The following MDGA2 variants were observed in gnomAD, a reference collection of about 807,000 sequenced individuals.
The protein encoded by MDGA2 is MAM domain containing glycosylphosphatidylinositol anchor 2, also known as MAM domain-containing glycosylphosphatidylinositol anchor protein 2.
Under a neutral mutation model 117.8 loss-of-function variants are expected in MDGA2, and 40 were observed. The ratio of observed to expected loss-of-function variants is 0.34; its 90% CI spans 0.26 to 0.44. MDGA2 has a LOEUF of 0.44. MDGA2 is among the 20% of genes least tolerant of loss of function. The pLI, the probability that MDGA2 is intolerant of heterozygous loss-of-function variation, is 1.00. For missense variants in MDGA2, 1,123 were observed against 1,250.6 expected, an observed-to-expected ratio of 0.90 and a Z score of 1.54; for synonymous variants, 452 against 439.0, an observed-to-expected ratio of 1.03 and a Z score of -0.37.
chr14:47,540,520 ATGTGTG>A (rs147620834), intron 1 of MDGA2, among the ~76,000 whole-genome samples: 3 of 102,930 alleles, frequency 2.9e-5, no homozygotes, highest in African/African-American at 9.6e-5. Flanking sequence ...GTATATGTAT[ATGTGTG>A]TGTGTGTGTG....
In MDGA2 at chr14:47,292,477, A is replaced by G. The variant is rs544196953; in HGVS notation, c.420+8934T>C. 5.3e-5 allele frequency among the ~76,000 whole-genome samples: 8 copies of G among 152,228 alleles called. No individual in the cohort carries two copies. The East Asian group carries it at 1.6e-3, about 30-fold the overall frequency. ...GAACTCCATTTATCGCTTGTCTTTC[A>G]TAAGCCCCCATTAGCATTAGAAGTC... On this transcript the variant is annotated intron_variant, in intron 2 of 16. Transcript: ENST00000399232.
At chr14:47,541,411 T>C (rs1895350058) in intron 1 of MDGA2, among the ~76,000 whole-genome samples, 1 of 152,182 alleles carries the variant, frequency 6.6e-6, no homozygotes. Context: ...AATTTTCCCA[T>C]GCTTGGGGTA....
At chr14:47,452,688 G>C (rs967912582) in intron 1 of MDGA2, among the ~76,000 whole-genome samples, 1 of 152,022 alleles carries the variant, frequency 6.6e-6, no homozygotes, top group African/African-American at 2.4e-5. Flanking sequence ...CTTAGCACTA[G>C]TCTAACCAAG....
chr14:47,137,744 C>T (rs949222891), intron 4 of MDGA2, among the ~76,000 whole-genome samples: 1 of 152,088 alleles, frequency 6.6e-6, no homozygotes, highest in Non-Finnish European at 1.5e-5. Flanking sequence ...ACAAAATGGA[C>T]TGTAAAGAAT....
intron 9 of MDGA2, among the ~76,000 whole-genome samples, chr14:46,943,342 C>G (rs892750957): frequency 6.6e-6 from 1 of 151,668 alleles, no homozygotes; most frequent in African/African-American, 2.4e-5. Flanking sequence ...TTTTCTCAGT[C>G]CAGTTCTACC....
intron 5 of MDGA2, 37 bp from the exon 6 acceptor site, chr14:47,097,160 G>C (rs921523706): frequency 5.0e-6 from 8 of 1,593,432 alleles, no homozygotes; most frequent in Non-Finnish European, 6.9e-6. Context: ...CACCTATTTA[G>C]ATATGCTACA....
At chr14:47,312,693 GT>G (rs375332903) in intron 1 of MDGA2, among the ~76,000 whole-genome samples, 2 of 104,364 alleles carry the variant, frequency 1.9e-5, no homozygotes, top group Non-Finnish European at 3.9e-5. Context: ...TTTTTGTTTT[GT>G]TTTGTTTTTT....
Position 47,227,658 on chromosome 14 carries a change from A to T in MDGA2, c.421-9463T>A, listed in dbSNP as rs78520530. On this transcript the variant is annotated intron_variant, in intron 2 of 16. Transcript: ENST00000399232. ...CTGAGCCTGAGACACAGTAATGATT[A>T]AAAAAAAAAATCATTGTTGCTTGAA... 5.5e-3 allele frequency among the ~76,000 whole-genome samples: 562 copies of T among 103,014 alleles called. 4 individuals are homozygous for T. The highest frequency in any genetic ancestry group is 0.016 in the African/African-American group (528 of 32,354). The allele number at this position is 103,014 out of a possible 152,430, so 67.6% of individuals were successfully genotyped here.
intron 8 of MDGA2, among the ~76,000 whole-genome samples, chr14:47,032,388 A>T (rs1566583614): frequency 1.3e-5 from 2 of 152,052 alleles, no homozygotes; most frequent in African/African-American, 4.8e-5. Flanking sequence ...GGTGTTTGGG[A>T]CAAGCCTGAG....
At chr14:47,390,659 C>T (rs771012235) in intron 1 of MDGA2, among the ~76,000 whole-genome samples, 1 of 152,182 alleles carries the variant, frequency 6.6e-6, no homozygotes. Flanking sequence ...TCTATCTTCG[C>T]AATCTCTTTA....
intron 8 of MDGA2, among the ~76,000 whole-genome samples, chr14:47,000,377 T>TATATATA (rs1566567792): frequency 1.0e-5 from 1 of 100,026 alleles, no homozygotes; most frequent in African/African-American, 3.3e-5. Context: ...ATATATATAT[T>TATATATA]TATATATATA....
chr14:47,055,881 C>T (rs184675790), intron 7 of MDGA2, among the ~76,000 whole-genome samples: 2 of 152,162 alleles, frequency 1.3e-5, no homozygotes, highest in South Asian at 2.1e-4. Flanking sequence ...CAGCCCTTTA[C>T]GAAATGTTTG....
rs1881678226 is a variant in MDGA2, at chr14:47,122,036, A to T, written c.925+9678T>A. Among the ~76,000 whole-genome samples the T allele has an allele frequency of 3.3e-5, 5 of 152,018 alleles. No individual in the cohort carries two copies. The South Asian group carries it at 1.0e-3, about 32-fold the overall frequency. On this transcript the variant is annotated intron_variant, in intron 5 of 16. Transcript: ENST00000399232. ...GGGGCTCAAGGGCAGCTGTGTACTT[A>T]TGGGCTGCATCTACTCCTTTGTAGC...
intron 8 of MDGA2, among the ~76,000 whole-genome samples, chr14:47,011,891 T>A (rs1887906789): frequency 6.6e-6 from 1 of 152,064 alleles, no homozygotes; most frequent in South Asian, 2.1e-4. Context: ...TTTCTCAGGT[T>A]CTCTCTTTGC....
Position 46,919,993 on chromosome 14 carries a change from C to T in MDGA2, c.2238+19G>A, listed in dbSNP as rs376135123. 5.5e-5 allele frequency: 86 copies of T among 1,552,980 alleles called. No individual in the cohort carries two copies. The highest frequency in any genetic ancestry group is 6.7e-5 in the Non-Finnish European group (77 of 1,155,164). ...ACAGAGGACCACAAAGAAAAAAGGA[C>T]ATCAGTTAGATTTCTCACCTGCCTG... is the stretch of plus-strand genomic sequence containing the variant. On this transcript the variant is annotated intron_variant, in intron 10 of 16. Transcript: ENST00000399232.
intron 1 of MDGA2, among the ~76,000 whole-genome samples, chr14:47,315,793 A>T (rs1266458054): frequency 6.6e-6 from 1 of 152,134 alleles, no homozygotes; most frequent in Non-Finnish European, 1.5e-5. Flanking sequence ...TACAATATCA[A>T]CATAATTTAG....
intron 3 of MDGA2, among the ~76,000 whole-genome samples, chr14:47,191,516 C>A: frequency 6.6e-6 from 1 of 151,000 alleles, no homozygotes; most frequent in East Asian, 1.9e-4. Flanking sequence ...TCTTTATATT[C>A]TCAAAAAGTT....
chr14:47,174,860 G>A (rs1015239758), intron 3 of MDGA2, among the ~76,000 whole-genome samples: 4 of 152,092 alleles, frequency 2.6e-5, no homozygotes, highest in Admixed American at 2.6e-4. Context: ...GAATCCAGGA[G>A]CGGGTTTTTT....
At chr14:47,631,617 C>T (rs1449892058) in intron 1 of MDGA2, among the ~76,000 whole-genome samples, 1 of 152,140 alleles carries the variant, frequency 6.6e-6, no homozygotes, top group African/African-American at 2.4e-5. Context: ...TCTATTCACA[C>T]CAAAATTACT....
Sources: gnomAD v4.1 joint callset for allele counts (sites outside exome capture counted in the v4.1 genomes callset) on GRCh38, gnomAD v4.1.1 for gene constraint, MANE v1.5 for transcripts, NCBI Gene and HGNC (gene_info 2026-07-23, HGNC 2026-07-21) for gene names.